TRDN: variants seen among roughly 807,000 people sequenced by gnomAD.
TRDN encodes the protein triadin, also known as triadin in skeletal muscle.
TRDN carries 161 observed loss-of-function variants against 149.7 expected under a neutral mutation model. That is an observed-to-expected ratio of 1.08 (90% CI 0.95 to 1.23). The LOEUF (loss-of-function observed/expected upper bound fraction) is 1.23. Among genes scored for constraint, TRDN ranks in the 50% most tolerant of loss-of-function variants. TRDN has a pLI of 0.00. For missense variants in TRDN, 896 were observed against 823.5 expected, an observed-to-expected ratio of 1.09 and a Z score of -1.08; for synonymous variants, 294 against 250.5, an observed-to-expected ratio of 1.17 and a Z score of -1.64.
chr6:123,436,692 C>T lies in TRDN; in HGVS notation c.1051+1371G>A, dbSNP rs145210294. ...TCTAACCCAGCCTGCCCTCCCCAGA[C>T]GGTTCCCCACCCTGAAGTTTTCAAT... On this transcript the variant is annotated intron_variant, in intron 12 of 40. Transcript: ENST00000334268. 6.7e-3 allele frequency among the ~76,000 whole-genome samples: 1,021 copies of T among 152,204 alleles called. 5 individuals carry two copies. Among genetic ancestry groups the T allele is most frequent in the Non-Finnish European group, 8.6e-3 (584 of 68,012 alleles).
At chr6:123,603,018 C>T (rs547729279) in intron 1 of TRDN, among the ~76,000 whole-genome samples, 2 of 152,202 alleles carry the variant, frequency 1.3e-5, no homozygotes, top group African/African-American at 4.8e-5. Context: ...ATTATTTAAT[C>T]TAACATTAGT....
intron 4 of TRDN, among the ~76,000 whole-genome samples, chr6:123,532,708 C>G (rs1780307631): frequency 6.6e-6 from 1 of 151,502 alleles, no homozygotes; most frequent in Non-Finnish European, 1.5e-5. Flanking sequence ...CTGTTTAATC[C>G]CTGACTGATA....
chr6:123,404,534 CA>C (rs1335831058), intron 12 of TRDN, among the ~76,000 whole-genome samples: 1 of 152,102 alleles, frequency 6.6e-6, no homozygotes, highest in Admixed American at 6.6e-5. Flanking sequence ...CTGCAACCTC[CA>C]CTTCCCAAGT....
chr6:123,360,684 TG>T (rs1780861954), intron 20 of TRDN, among the ~76,000 whole-genome samples: 1 of 138,080 alleles, frequency 7.2e-6, no homozygotes, highest in African/African-American at 2.8e-5. Context: ...GGAGATAAAG[TG>T]GTAGAGAGAC....
chr6:123,632,722 G>A (rs147754063), intron 1 of TRDN, among the ~76,000 whole-genome samples: 24 of 152,158 alleles, frequency 1.6e-4, no homozygotes, highest in African/African-American at 5.8e-4. Context: ...GCTTAAGCCA[G>A]GGCAGCTGCC....
At chr6:123,598,122 A>G (rs962490416) in intron 1 of TRDN, among the ~76,000 whole-genome samples, 1 of 152,088 alleles carries the variant, frequency 6.6e-6, no homozygotes, top group Admixed American at 6.6e-5. Context: ...TGGGGACCCT[A>G]GAGGTATCAC....
At chr6:123,512,235 G>A (rs1272826624) in intron 7 of TRDN, 68 bp downstream of exon 7, 1 of 929,758 alleles carries the variant, frequency 1.1e-6, no homozygotes, top group Admixed American at 2.7e-5. Flanking sequence ...CCAACTATCT[G>A]TTACCCAAAA....
intron 24 of TRDN, among the ~76,000 whole-genome samples, chr6:123,279,812 G>C (rs1777518986): frequency 6.6e-6 from 1 of 151,914 alleles, no homozygotes; most frequent in South Asian, 2.1e-4. Flanking sequence ...AACATAATAT[G>C]TATGCTCTAC....
At chr6:123,304,258 T>C (rs1475367809) in intron 24 of TRDN, among the ~76,000 whole-genome samples, 45 of 146,252 alleles carry the variant, frequency 3.1e-4, no homozygotes, top group Admixed American at 2.6e-3. Context: ...TTTTCTTTTT[T>C]TTTTTTTTTT....
intron 2 of TRDN, among the ~76,000 whole-genome samples, chr6:123,567,712 A>C (rs957673119): frequency 6.6e-6 from 1 of 152,202 alleles, no homozygotes; most frequent in South Asian, 2.1e-4. Context: ...GAAAGTACCA[A>C]GGGAATTGGC....
At chr6:123,459,008 A>G (rs1776294974) in intron 10 of TRDN, among the ~76,000 whole-genome samples, 1 of 152,352 alleles carries the variant, frequency 6.6e-6, no homozygotes, top group South Asian at 2.1e-4. Context: ...GTGTTTTGTC[A>G]TGAAAACTGT....
At chr6:123,471,456 C>T (rs1303435206) in intron 9 of TRDN, 4 of 152,112 alleles carry the variant, frequency 2.6e-5, no homozygotes, top group Admixed American at 2.6e-4. Context: ...TGTTAATTAA[C>T]TCTCAAGGGT....
At chr6:123,390,000 A>G (rs1782047148) in intron 13 of TRDN, among the ~76,000 whole-genome samples, 2 of 152,146 alleles carry the variant, frequency 1.3e-5, no homozygotes, top group African/African-American at 4.8e-5. Flanking sequence ...AATTTCCTTC[A>G]AAAAATTTTA....
At chr6:123,489,368 CGAGTTTATATTT>C (rs1402361837) in intron 9 of TRDN, 1 of 151,898 alleles carries the variant, frequency 6.6e-6, no homozygotes, top group African/African-American at 2.4e-5. Context: ...GCGTGACCAC[CGAGTTTATATTT>C]TTCCCATTGG....
At chr6:123,224,658 G>A (rs1197432124) in intron 38 of TRDN, among the ~76,000 whole-genome samples, 1 of 151,732 alleles carries the variant, frequency 6.6e-6, no homozygotes, top group African/African-American at 2.4e-5. Flanking sequence ...AACAATGGGG[G>A]AAAGATAGTC....
intron 1 of TRDN, among the ~76,000 whole-genome samples, chr6:123,631,119 T>C (rs1229785715): frequency 1.3e-5 from 2 of 151,666 alleles, no homozygotes; most frequent in East Asian, 3.9e-4. Flanking sequence ...CAATCTGCTT[T>C]TTTTTTTTTT....
chr6:123,260,493 C>A, intron 34 of TRDN, 119 bp downstream of exon 34: 5 of 1,135,198 alleles, frequency 4.4e-6, no homozygotes, highest in Non-Finnish European at 6.0e-6. Flanking sequence ...TTCTGTAGAA[C>A]AGAATATCTG....
At chr6:123,385,572 C>G (rs747024058) in intron 14 of TRDN, among the ~76,000 whole-genome samples, 1 of 152,070 alleles carries the variant, frequency 6.6e-6, no homozygotes, top group Non-Finnish European at 1.5e-5. Context: ...CTTTAGTCAA[C>G]TATAATACTA....
intron 24 of TRDN, among the ~76,000 whole-genome samples, chr6:123,301,764 T>TAA (rs1554221695): frequency 3.7e-5 from 3 of 80,636 alleles, no homozygotes; most frequent in Non-Finnish European, 5.3e-5. Context: ...TATATATATA[T>TAA]ATATACATAT....
Sources: gnomAD v4.1 joint callset for allele counts (sites outside exome capture counted in the v4.1 genomes callset) on GRCh38, gnomAD v4.1.1 for gene constraint, MANE v1.5 for transcripts, NCBI Gene and HGNC (gene_info 2026-07-23, HGNC 2026-07-21) for gene names.